Variants in ATOSA observed in about 807,000 individuals in gnomAD.
ATOSA encodes atos homolog protein A.
At chr15:52,626,141 GAATCCTAAATTTGTAA>G in the ATOSA span, among the ~76,000 whole-genome samples, 1 of 152,114 alleles carries the variant, frequency 6.6e-6, no homozygotes, top group Non-Finnish European at 1.5e-5. Flanking sequence ...TTTCCCCACA[GAATCCTAAATTTGTAA>G]AATCATTTGC....
the ATOSA span, chr15:52,593,769 A>C: frequency 1.3e-6 from 2 of 1,517,362 alleles, no homozygotes; most frequent in Middle Eastern, 1.7e-4. Flanking sequence ...AAACTCAATT[A>C]AAAAAGCTAA....
At chr15:52,665,863 A>G in the ATOSA span, among the ~76,000 whole-genome samples, 6 of 152,256 alleles carry the variant, frequency 3.9e-5, no homozygotes, top group Non-Finnish European at 8.8e-5. Context: ...GGCATGCAAA[A>G]GTTAGCTATA....
the ATOSA span, chr15:52,611,259 AGGAAG>A: frequency 6.2e-7 from 1 of 1,610,070 alleles, no homozygotes; most frequent in Non-Finnish European, 8.5e-7. Context: ...ACCATTCCTA[AGGAAG>A]TAACAAAGCA....
chr15:52,595,039 C>T, the ATOSA span, among the ~76,000 whole-genome samples: 5 of 152,114 alleles, frequency 3.3e-5, no homozygotes, highest in Admixed American at 6.5e-5. Context: ...TGCTCTTTTA[C>T]GTTTGCACAT....
At chr15:52,670,051 G>A in the ATOSA span, among the ~76,000 whole-genome samples, 3 of 152,192 alleles carry the variant, frequency 2.0e-5, no homozygotes, top group South Asian at 6.2e-4. Flanking sequence ...ATAGTGGGCT[G>A]TGTTCCAATT....
the ATOSA span, chr15:52,652,010 C>T: frequency 1.3e-6 from 2 of 1,519,948 alleles, no homozygotes; most frequent in Non-Finnish European, 1.8e-6. Flanking sequence ...AAATGTTCAG[C>T]GTTGGGTGCT....
the ATOSA span, among the ~76,000 whole-genome samples, chr15:52,607,296 T>G: frequency 1.3e-5 from 2 of 152,218 alleles, no homozygotes; most frequent in Non-Finnish European, 2.9e-5. Context: ...CCGCTAATAT[T>G]GGGTCTGACC....
chr15:52,670,809 GCTTA>G, the ATOSA span, among the ~76,000 whole-genome samples: 180 of 152,238 alleles, frequency 1.2e-3, no homozygotes, highest in African/African-American at 4.1e-3. Context: ...GCATCTCATG[GCTTA>G]CTATGTTCTT....
the ATOSA span, among the ~76,000 whole-genome samples, chr15:52,616,470 A>G: frequency 1.3e-5 from 2 of 152,204 alleles, no homozygotes; most frequent in Non-Finnish European, 2.9e-5. Flanking sequence ...GTGGTGGTTC[A>G]TGCCTGTAAT....
chr15:52,621,684 C>T, the ATOSA span, among the ~76,000 whole-genome samples: 1 of 152,150 alleles, frequency 6.6e-6, no homozygotes, highest in African/African-American at 2.4e-5. Flanking sequence ...CATACACTCT[C>T]TCTTGCTTGC....
the ATOSA span, chr15:52,605,262 T>C: frequency 1.3e-6 from 2 of 1,531,964 alleles, no homozygotes; most frequent in Middle Eastern, 1.7e-4. Flanking sequence ...AGGAAAATAA[T>C]TAGATGTTAA....
At chr15:52,707,447 C>T in the ATOSA span, among the ~76,000 whole-genome samples, 30 of 152,228 alleles carry the variant, frequency 2.0e-4, no homozygotes, top group Admixed American at 8.5e-4. Context: ...CAGATAAACC[C>T]GTCAAGAACA....
At chr15:52,630,514 C>T in the ATOSA span, among the ~76,000 whole-genome samples, 1 of 152,124 alleles carries the variant, frequency 6.6e-6, no homozygotes, top group African/African-American at 2.4e-5. Context: ...ATTTCACATT[C>T]AAAGGATTGT....
At chr15:52,609,485 A>T in the ATOSA span, 2 of 1,613,862 alleles carry the variant, frequency 1.2e-6, no homozygotes, top group Non-Finnish European at 1.7e-6. Context: ...TGGAGTAAAG[A>T]GCCTATCAAA....
chr15:52,611,631 C>T, the ATOSA span: 4,362 of 1,613,984 alleles, frequency 2.7e-3, 111 homozygotes, highest in African/African-American at 0.053. Context: ...CTTGCTTAAT[C>T]GCAGGATCAT....
the ATOSA span, among the ~76,000 whole-genome samples, chr15:52,689,281 G>T: frequency 1.3e-5 from 2 of 152,008 alleles, no homozygotes; most frequent in Admixed American, 6.6e-5. Flanking sequence ...AAATATACAT[G>T]TATTGAATTT....
the ATOSA span, among the ~76,000 whole-genome samples, chr15:52,638,528 G>T: frequency 0.87 from 132,492 of 151,800 alleles, 58,085 homozygotes; most frequent in East Asian, 1. Context: ...ACCCTGTCTC[G>T]ACTAAAAATA....
chr15:52,658,395 G>A, the ATOSA span: 1 of 192,810 alleles, frequency 5.2e-6, no homozygotes, highest in African/African-American at 2.3e-5. Context: ...CAACCTTTCT[G>A]TCAAGAGCTC....
the ATOSA span, chr15:52,600,195 G>C: frequency 1.2e-6 from 2 of 1,611,316 alleles, no homozygotes; most frequent in South Asian, 2.2e-5. Flanking sequence ...GGTTTTTCAT[G>C]AATATCTGGA....
Sources: allele counts gnomAD v4.1 joint callset (sites outside exome capture counted in the v4.1 genomes callset), GRCh38; gene constraint gnomAD v4.1.1; transcripts MANE v1.5; gene names NCBI Gene and HGNC (gene_info 2026-07-23, HGNC 2026-07-21).